Variants in STXBP5L observed in about 807,000 individuals in gnomAD.
STXBP5L encodes syntaxin-binding protein 5-like.
Under a neutral mutation model 144.5 loss-of-function variants are expected in STXBP5L, and 65 were observed. That is an observed-to-expected ratio of 0.45 (90% CI 0.37 to 0.55). The LOEUF is 0.55. STXBP5L is among the 20% of genes least tolerant of loss of function. STXBP5L has a pLI of 0.00. For missense variants in STXBP5L, 1,298 were observed against 1,405.5 expected (o/e 0.92, Z 1.22); for synonymous variants, 505 against 469.6 (o/e 1.08, Z -0.97).
chr3:120,951,539 A>T (rs371375655), intron 2 of STXBP5L, among the ~76,000 whole-genome samples: 1 of 152,142 alleles, frequency 6.6e-6, no homozygotes, highest in Non-Finnish European at 1.5e-5. Flanking sequence ...ATGCAGCCAA[A>T]AAACACATGA....
At chr3:121,060,749 T>C (rs1258760656) in intron 5 of STXBP5L, among the ~76,000 whole-genome samples, 5 of 152,234 alleles carry the variant, frequency 3.3e-5, no homozygotes, top group Non-Finnish European at 7.3e-5. Context: ...GATTTTCTAG[T>C]TTATTTCCAT....
chr3:121,206,057 A>T, intron 10 of STXBP5L, 56 bp downstream of exon 10: 1 of 984,454 alleles, frequency 1.0e-6, no homozygotes, highest in Non-Finnish European at 1.5e-6. Context: ...AAAAATGCAG[A>T]TGACCTTTAA....
chr3:121,013,904 CTGT>C (rs1560001452), intron 3 of STXBP5L, among the ~76,000 whole-genome samples: 1 of 151,942 alleles, frequency 6.6e-6, no homozygotes, highest in Non-Finnish European at 1.5e-5. Context: ...TATCCTTTCC[CTGT>C]TGTTTATTTT....
intron 10 of STXBP5L, among the ~76,000 whole-genome samples, chr3:121,218,771 A>C (rs1273049020): frequency 1.3e-5 from 2 of 152,150 alleles, no homozygotes; most frequent in Admixed American, 6.6e-5. Flanking sequence ...GTAAAGTAAT[A>C]ATTAAAATCA....
chr3:121,336,157 G>GA (rs1265413606), intron 20 of STXBP5L, among the ~76,000 whole-genome samples: 7 of 152,102 alleles, frequency 4.6e-5, no homozygotes, highest in Non-Finnish European at 8.8e-5. Flanking sequence ...AAGAGCATAT[G>GA]AAAAAAAGTT....
intron 5 of STXBP5L, among the ~76,000 whole-genome samples, chr3:121,113,016 C>G (rs1379674285): frequency 6.6e-6 from 1 of 152,032 alleles, no homozygotes; most frequent in Non-Finnish European, 1.5e-5. Flanking sequence ...GTTGTAACCA[C>G]TACTCATCAG....
rs535015990 is a variant in STXBP5L, at chr3:120,966,735, A to T, written c.287+11698A>T. On this transcript the variant is annotated intron_variant, in intron 3 of 26. Coordinates refer to ENST00000471454, the MANE Select transcript of STXBP5L (RefSeq NM_001308330.2). ...TGGCCCCTACTGGGAGGTGTGTTCC[A>T]CTTAGGCTACAAGGGGGTCAGGGAC... Among the ~76,000 whole-genome samples, 4 of 152,214 alleles carry T rather than the reference A, an allele frequency of 2.6e-5. No homozygotes were observed. The South Asian group carries it at 6.2e-4, about 24-fold the overall frequency.
At chr3:120,938,738 T>G (rs1015926062) in intron 2 of STXBP5L, among the ~76,000 whole-genome samples, 1 of 152,206 alleles carries the variant, frequency 6.6e-6, no homozygotes, top group African/African-American at 2.4e-5. Flanking sequence ...ACACCATGTG[T>G]ATTCACTAGG....
intron 3 of STXBP5L, among the ~76,000 whole-genome samples, chr3:121,037,874 C>T (rs759725053): frequency 6.6e-6 from 1 of 151,890 alleles, no homozygotes; most frequent in African/African-American, 2.4e-5. Flanking sequence ...TCCTACTTCT[C>T]CTTGTGTAAT....
chr3:121,038,580 G>T (rs560426815), intron 3 of STXBP5L, among the ~76,000 whole-genome samples: 2 of 151,590 alleles, frequency 1.3e-5, no homozygotes, highest in African/African-American at 4.8e-5. Flanking sequence ...GCTCTTTTTG[G>T]GTTGTGTGTT....
Position 121,035,905 on chromosome 3 carries a change from T to C in STXBP5L, c.288-5795T>C, listed in dbSNP as rs1173927261. 2.6e-5 allele frequency among the ~76,000 whole-genome samples: 4 copies of C among 152,296 alleles called. No homozygotes were observed. The East Asian group carries it at 7.7e-4, about 29-fold the overall frequency. On this transcript the variant is annotated intron_variant, in intron 3 of 26. Coordinates refer to ENST00000471454, the MANE Select transcript of STXBP5L (RefSeq NM_001308330.2). Reference sequence around the variant, plus strand: ...TGGTCTTTAATTTCTCTTTGTAATATTTTATAGCTTTCAGTGAACAGGTCT... The same window carrying C: ...TGGTCTTTAATTTCTCTTTGTAATACTTTATAGCTTTCAGTGAACAGGTCT...
chr3:121,418,664 G>A (rs1209741784), intron 26 of STXBP5L, 107 bp downstream of exon 26: 1 of 1,039,668 alleles, frequency 9.6e-7, no homozygotes, highest in Non-Finnish European at 1.4e-6. Context: ...AATCCTGTAT[G>A]AGAATCATGG....
At chr3:121,118,761 G>T (rs1429894812) in intron 6 of STXBP5L, among the ~76,000 whole-genome samples, 1 of 151,438 alleles carries the variant, frequency 6.6e-6, no homozygotes, top group African/African-American at 2.4e-5. Context: ...TTTAAAAGAA[G>T]GAATAATAAT....
At chr3:120,992,639 T>C (rs1943016553) in intron 3 of STXBP5L, among the ~76,000 whole-genome samples, 1 of 152,156 alleles carries the variant, frequency 6.6e-6, no homozygotes, top group Non-Finnish European at 1.5e-5. Flanking sequence ...ATTTTATTCT[T>C]TTTTTAAATA....
chr3:121,279,773 T>C (rs1034321110), intron 18 of STXBP5L, 32 bp from the exon 19 acceptor site: 9 of 1,606,444 alleles, frequency 5.6e-6, no homozygotes, highest in Non-Finnish European at 7.7e-6. Flanking sequence ...CTTGTTGTGA[T>C]ACATTCTAGT....
At chr3:121,382,792 G>A (rs1437388316) in intron 22 of STXBP5L, among the ~76,000 whole-genome samples, 4 of 152,080 alleles carry the variant, frequency 2.6e-5, no homozygotes, top group Non-Finnish European at 5.9e-5. Flanking sequence ...GAAATTCTTT[G>A]TCATTCTTAG....
At position 121,072,065 on chromosome 3, in the gene STXBP5L, G is replaced by T. The variant is rs558895470; in HGVS notation, c.470+26530G>T. ...AGTTTCCATTTGATTTTTAACATCT[G>T]CATTAGCTGTTGTACTATTTCTGTC... On this transcript the variant is annotated intron_variant, in intron 5 of 26. Transcript: ENST00000471454. Among the ~76,000 whole-genome samples, 3 of 152,300 alleles carry T rather than the reference G, an allele frequency of 2.0e-5. No individual in the cohort carries two copies. In the East Asian group the frequency reaches 5.8e-4, roughly 29 times the overall value.
intron 20 of STXBP5L, among the ~76,000 whole-genome samples, chr3:121,374,543 G>A (rs2046127666): frequency 6.6e-6 from 1 of 152,012 alleles, no homozygotes; most frequent in Admixed American, 6.6e-5. Context: ...AGAGTATACA[G>A]ATAAATACAA....
At chr3:120,961,493 A>C (rs1938810969) in intron 3 of STXBP5L, among the ~76,000 whole-genome samples, 1 of 151,890 alleles carries the variant, frequency 6.6e-6, no homozygotes, top group African/African-American at 2.4e-5. Flanking sequence ...CTCATTGTTC[A>C]ATTCCCCTCT....
Sources: allele counts gnomAD v4.1 joint callset (sites outside exome capture counted in the v4.1 genomes callset), GRCh38; gene constraint gnomAD v4.1.1; transcripts MANE v1.5; gene names NCBI Gene and HGNC (gene_info 2026-07-23, HGNC 2026-07-21).